Variants in ROBO2 observed in about 807,000 individuals in gnomAD.
The protein encoded by ROBO2 is roundabout homolog 2.
ROBO2 carries 53 observed loss-of-function variants against 160.8 expected under a neutral mutation model. The observed-to-expected ratio is 0.33, with a 90% confidence interval of 0.26 to 0.41. The LOEUF (loss-of-function observed/expected upper bound fraction) is 0.41. Among genes scored for constraint, ROBO2 ranks in the 10% least tolerant of loss-of-function variants. The pLI is 1.00. For synonymous variants in ROBO2, 664 were observed against 611.7 expected, an observed-to-expected ratio of 1.09 and a Z score of -1.26; for missense variants, 1,577 against 1,722.4, an observed-to-expected ratio of 0.92 and a Z score of 1.49.
intron 2 of ROBO2, among the ~76,000 whole-genome samples, chr3:76,667,283 T>G (rs2092087378): frequency 6.6e-6 from 1 of 152,174 alleles, no homozygotes; most frequent in Non-Finnish European, 1.5e-5. Context: ...GCCAATCTAC[T>G]TAGAATACAA....
intron 2 of ROBO2, among the ~76,000 whole-genome samples, chr3:77,410,236 T>C (rs1344896918): frequency 6.6e-6 from 1 of 152,222 alleles, no homozygotes; most frequent in African/African-American, 2.4e-5. Flanking sequence ...AATCTGTTTC[T>C]ATGTATCAAA....
chr3:76,917,346 A>G (rs1186963162), intron 2 of ROBO2, among the ~76,000 whole-genome samples: 2 of 152,210 alleles, frequency 1.3e-5, no homozygotes, highest in Non-Finnish European at 2.9e-5. Flanking sequence ...GAGAGGATTC[A>G]GAAATTGCAA....
At chr3:76,119,916 C>CCCTTCCTTCCTTCCTTCCTTCCTT (rs551169822) in intron 2 of ROBO2, among the ~76,000 whole-genome samples, 23 of 88,178 alleles carry the variant, frequency 2.6e-4, no homozygotes, top group Non-Finnish European at 4.4e-4. Flanking sequence ...TTCCCTCCCT[C>CCCTTCCTTCCTTCCTTCCTTCCTT]CCTTCCTTCC....
chr3:76,460,548 G>A (rs145003988), intron 2 of ROBO2, among the ~76,000 whole-genome samples: 120 of 152,252 alleles, frequency 7.9e-4, no homozygotes, highest in African/African-American at 2.8e-3. Context: ...ATGTTGTAAG[G>A]ACATTCAAGC....
intron 2 of ROBO2, among the ~76,000 whole-genome samples, chr3:76,458,249 G>T (rs2077886597): frequency 6.6e-6 from 1 of 152,102 alleles, no homozygotes; most frequent in Non-Finnish European, 1.5e-5. Context: ...TTGCTGCTTA[G>T]AAATTTCTTC....
chr3:76,457,935 C>T (rs2077862326), intron 2 of ROBO2, among the ~76,000 whole-genome samples: 1 of 152,100 alleles, frequency 6.6e-6, no homozygotes, highest in Non-Finnish European at 1.5e-5. Flanking sequence ...CTGCACACAG[C>T]ACGGGAACCC....
chr3:76,195,259 T>C (rs1237834111), intron 2 of ROBO2, among the ~76,000 whole-genome samples: 1 of 152,158 alleles, frequency 6.6e-6, no homozygotes, highest in Non-Finnish European at 1.5e-5. Flanking sequence ...AGCTAAAGAT[T>C]ATTGAAGGTG....
chr3:76,270,349 C>G (rs150952943), intron 2 of ROBO2, among the ~76,000 whole-genome samples: 1 of 152,014 alleles, frequency 6.6e-6, no homozygotes, highest in Non-Finnish European at 1.5e-5. Context: ...TCCTCAGAAA[C>G]ATGACACATT....
At chr3:76,279,493 A>G (rs770404151) in intron 2 of ROBO2, among the ~76,000 whole-genome samples, 1 of 152,018 alleles carries the variant, frequency 6.6e-6, no homozygotes, top group East Asian at 1.9e-4. Flanking sequence ...CATATTAGTT[A>G]TAATAGGTCT....
chr3:76,259,342 G>T (rs1417304847), intron 2 of ROBO2, among the ~76,000 whole-genome samples: 1 of 152,042 alleles, frequency 6.6e-6, no homozygotes, highest in Non-Finnish European at 1.5e-5. Flanking sequence ...CCTTATTTAT[G>T]AAGTGTAAAG....
At chr3:76,643,658 A>C (rs2090818079) in intron 2 of ROBO2, among the ~76,000 whole-genome samples, 1 of 120,224 alleles carries the variant, frequency 8.3e-6, no homozygotes, top group African/African-American at 3.5e-5. Context: ...TACATAATTT[A>C]TGTCTACCCC....
intron 2 of ROBO2, among the ~76,000 whole-genome samples, chr3:76,513,890 G>A (rs1202150849): frequency 3.3e-5 from 5 of 152,040 alleles, no homozygotes; most frequent in Non-Finnish European, 5.9e-5. Flanking sequence ...TAGAATGTAA[G>A]AACTTTTTGA....
intron 2 of ROBO2, among the ~76,000 whole-genome samples, chr3:76,206,166 T>C: frequency 5.0e-5 from 1 of 19,898 alleles, no homozygotes; most frequent in South Asian, 2.4e-3. Flanking sequence ...CACAAAAGCC[T>C]TTAGAACTTC....
At chr3:76,622,235 G>GAAAGAAAGAAAGAAAGAAAGAAGGAAAGA (rs1343648585) in intron 2 of ROBO2, among the ~76,000 whole-genome samples, 1 of 44,792 alleles carries the variant, frequency 2.2e-5, no homozygotes, top group Non-Finnish European at 4.2e-5. Flanking sequence ...AGGAAGGAAG[G>GAAAGAAAGAAAGAAAGAAAGAAGGAAAGA]AAGAAAGAAA....
intron 2 of ROBO2, among the ~76,000 whole-genome samples, chr3:76,288,115 A>G (rs574361479): frequency 6.6e-6 from 1 of 152,352 alleles, no homozygotes; most frequent in Admixed American, 6.5e-5. Flanking sequence ...CCCTTGTAAT[A>G]TACACACCTA....
chr3:77,552,566 A>T (rs2092958341), intron 8 of ROBO2, among the ~76,000 whole-genome samples: 1 of 152,086 alleles, frequency 6.6e-6, no homozygotes, highest in Non-Finnish European at 1.5e-5. Context: ...GTGGTCAAAA[A>T]TAAGTGATGA....
chr3:77,580,595 A>G (rs2153676342), intron 16 of ROBO2, among the ~76,000 whole-genome samples: 1 of 152,272 alleles, frequency 6.6e-6, no homozygotes, highest in East Asian at 1.9e-4. Context: ...ATTGCATAAA[A>G]TTGTTCCCTC....
chr3:77,059,489 T>A (rs551703390), intron 1 of ROBO2, among the ~76,000 whole-genome samples: 1 of 152,192 alleles, frequency 6.6e-6, no homozygotes, highest in Non-Finnish European at 1.5e-5. Flanking sequence ...TATAAAGTGT[T>A]CACATAAGCA....
intron 2 of ROBO2, among the ~76,000 whole-genome samples, chr3:76,657,964 G>A (rs1411052421): frequency 6.7e-6 from 1 of 149,322 alleles, no homozygotes; most frequent in Non-Finnish European, 1.5e-5. Flanking sequence ...CTACTCCAGA[G>A]GCTGAGGTCG....
Sources: allele counts gnomAD v4.1 joint callset (sites outside exome capture counted in the v4.1 genomes callset), GRCh38; gene constraint gnomAD v4.1.1; transcripts MANE v1.5; gene names NCBI Gene and HGNC (gene_info 2026-07-23, HGNC 2026-07-21).